Variants in NAV1 observed in about 807,000 individuals in gnomAD.
NAV1 encodes neuron navigator 1.
A neutral mutation model predicts 175.2 loss-of-function variants in NAV1; 18 were observed. That is an observed-to-expected ratio of 0.10 (90% CI 0.07 to 0.15). The LOEUF (loss-of-function observed/expected upper bound fraction) is 0.15. NAV1 is among the 10% of genes least tolerant of loss of function. The pLI is 1.00. For synonymous variants in NAV1, 897 were observed against 978.7 expected (o/e 0.92, Z 1.56); for missense variants, 1,731 against 2,436.6 (o/e 0.71, Z 6.10).
At position 201,539,298 on chromosome 1, in the gene NAV1, C is replaced by A. The variant is rs1251741771; in HGVS notation, c.-188C>A. On this transcript the variant is annotated 5_prime_UTR_variant, in exon 1 of 34. Coordinates refer to the NAV1 transcript ENST00000685211. The surrounding 1 kb of genome is among the most constrained non-coding windows in gnomAD (Gnocchi z 5.6). ...CTGCCCTTGGGGATGCGCGACTCTG[C>A]GCGGCTGCGGCGCGGACCCGGAGCC... is the stretch of plus-strand genomic sequence containing the variant. 6.6e-6 allele frequency among the ~76,000 whole-genome samples: 1 copy of A among 151,926 alleles called. No homozygotes were observed. Among genetic ancestry groups the A allele is most frequent in the South Asian group, 2.1e-4 (1 of 4,838 alleles).
chr1:201,570,881 A>G (rs686330), intron 1 of NAV1, among the ~76,000 whole-genome samples: 1,691 of 152,318 alleles, frequency 0.011, 17 homozygotes, highest in Non-Finnish European at 0.017. Flanking sequence ...TTCTACCATT[A>G]GCCCTGCAGC....
intron 1 of NAV1, among the ~76,000 whole-genome samples, chr1:201,624,263 A>G (rs575070481): frequency 2.0e-5 from 3 of 152,212 alleles, no homozygotes; most frequent in Middle Eastern, 3.4e-3. Context: ...GATGGCCAAC[A>G]AGCTAGTACA....
At chr1:201,670,972 A>T (rs565756632) in intron 1 of NAV1, among the ~76,000 whole-genome samples, 3 of 152,240 alleles carry the variant, frequency 2.0e-5, no homozygotes, top group South Asian at 4.1e-4. Context: ...ACCAATGGTG[A>T]TGACTAGAGC....
chr1:201,690,471 A>AGT (rs1670869204), intron 1 of NAV1, among the ~76,000 whole-genome samples: 1 of 132,558 alleles, frequency 7.5e-6, no homozygotes, highest in African/African-American at 2.9e-5. Flanking sequence ...TGTCCGTGGC[A>AGT]GAGTATGTCT....
intron 1 of NAV1, among the ~76,000 whole-genome samples, chr1:201,659,449 G>T (rs652930): frequency 0.87 from 132,338 of 152,184 alleles, 57,923 homozygotes; most frequent in African/African-American, 0.97. Flanking sequence ...GACTACATCC[G>T]TACAAAAGAG....
exon 1 of NAV1, chr1:201,623,398 G>A (rs1668234649): frequency 5.1e-6 from 5 of 985,786 alleles, no homozygotes; most frequent in South Asian, 9.4e-5. Flanking sequence ...AAGCTGCCCA[G>A]GAAAAGACCA....
chr1:201,725,021 C>G (rs1042635943), intron 3 of NAV1: 5 of 152,314 alleles, frequency 3.3e-5, no homozygotes, highest in African/African-American at 9.6e-5. Context: ...AGAGACACTT[C>G]CAGCCTTGCT....
intron 1 of NAV1, among the ~76,000 whole-genome samples, chr1:201,568,582 A>G (rs1666434271): frequency 1.3e-5 from 2 of 152,074 alleles, no homozygotes; most frequent in African/African-American, 4.8e-5. Flanking sequence ...TGAGTTTGAT[A>G]CCGACTGTGG....
At chr1:201,552,759 G>A (rs899935356) in intron 1 of NAV1, among the ~76,000 whole-genome samples, 7 of 152,156 alleles carry the variant, frequency 4.6e-5, no homozygotes, top group African/African-American at 1.7e-4. Flanking sequence ...TCCACCGAAC[G>A]TACACCGGAC....
At chr1:201,721,369 A>T (rs1018298812) in intron 3 of NAV1, among the ~76,000 whole-genome samples, 1 of 152,260 alleles carries the variant, frequency 6.6e-6, no homozygotes, top group African/African-American at 2.4e-5. Context: ...AAGGGAATCA[A>T]CTTATAATCC....
chr1:201,815,822 T>C (rs2102830267), intron 28 of NAV1, among the ~76,000 whole-genome samples: 1 of 152,206 alleles, frequency 6.6e-6, no homozygotes, highest in African/African-American at 2.4e-5. Flanking sequence ...CACTGCAACC[T>C]CCACCTCTCA....
At chr1:201,687,136 A>C (rs1332117743) in intron 1 of NAV1, among the ~76,000 whole-genome samples, 1 of 152,238 alleles carries the variant, frequency 6.6e-6, no homozygotes, top group Admixed American at 6.5e-5. Flanking sequence ...AAATTACAAC[A>C]TGGAGTGACT....
chr1:201,584,755 C>A (rs1381620531), intron 1 of NAV1, among the ~76,000 whole-genome samples: 1 of 152,228 alleles, frequency 6.6e-6, no homozygotes, highest in East Asian at 1.9e-4. Context: ...GATGCTCCAC[C>A]AAGGCCTGGA....
chr1:201,744,011 A>C (rs1251603810), intron 3 of NAV1, among the ~76,000 whole-genome samples: 1 of 152,094 alleles, frequency 6.6e-6, no homozygotes, highest in Non-Finnish European at 1.5e-5. Flanking sequence ...CAGCCTCCCG[A>C]GTAGCTGGGA....
chr1:201,598,202 G>A lies in NAV1; in HGVS notation c.-33+9553G>A, dbSNP rs566348753. On this transcript the variant is annotated intron_variant, in intron 2 of 33. Coordinates refer to the NAV1 transcript ENST00000685211. ...GAGAGGCCTTCCTGGAAGGGATGAC[G>A]TCTGAGCTGAGCTTGGAGGATGAAT... is the stretch of plus-strand genomic sequence containing the variant. 2.8e-4 allele frequency among the ~76,000 whole-genome samples: 42 copies of A among 152,362 alleles called. No homozygotes were observed. In the South Asian group the frequency reaches 3.9e-3, roughly 14 times the overall value.
In NAV1 at chr1:201,782,623, G is replaced by A. The variant is rs1187972545; in HGVS notation, c.2111G>A (p.Ser704Asn). 1.2e-6 allele frequency: 2 copies of A among 1,614,066 alleles called. No individual in the cohort carries two copies. The highest frequency in any genetic ancestry group is 3.3e-5 in the Admixed American group (2 of 60,026). The change falls in exon 6 of 30, where the codon AGC becomes AAC. Residue 704 changes from serine (S) to asparagine (N), a missense_variant. Physicochemically the swap from Ser to Asn is conservative, Grantham distance 46. Around this residue, in one of 13 missense-constraint regions of NAV1, gnomAD observed 634 missense variants for 766.8 expected, o/e 0.83. Transcript: ENST00000367296. The surrounding 1 kb of genome is among the most constrained non-coding windows in gnomAD (Gnocchi z 5.4). ...AGCAGCATTGACCCCAGTCTCCTCA[G>A]CACCAAGCAGGGAGGCCTTACGCCT... is the stretch of plus-strand genomic sequence containing the variant.
chr1:201,801,244 A>G (rs1677846255), intron 15 of NAV1, among the ~76,000 whole-genome samples: 1 of 152,242 alleles, frequency 6.6e-6, no homozygotes, highest in African/African-American at 2.4e-5. Flanking sequence ...TTGTAGTTAT[A>G]GCATCAGATC....
chr1:201,744,315 TG>T (rs200575462), intron 3 of NAV1, among the ~76,000 whole-genome samples: 1 of 141,040 alleles, frequency 7.1e-6, no homozygotes, highest in Admixed American at 7.8e-5. Context: ...TATGTATGTA[TG>T]TATTTATTTA....
intron 1 of NAV1, among the ~76,000 whole-genome samples, chr1:201,559,352 C>T (rs1406029840): frequency 1.3e-5 from 2 of 152,148 alleles, no homozygotes; most frequent in African/African-American, 4.8e-5. Flanking sequence ...GAAGCACACC[C>T]TTGGAGGATC....
Sources: gnomAD v4.1 joint callset for allele counts (sites outside exome capture counted in the v4.1 genomes callset) on GRCh38, gnomAD v4.1.1 for gene constraint, gnomAD v4.1.1 regional missense constraint, Gnocchi (gnomAD v3.1) non-coding constraint, MANE v1.5 for transcripts, NCBI Gene and HGNC (gene_info 2026-07-23, HGNC 2026-07-21) for gene names.